GPR137C: variants seen among roughly 807,000 people sequenced by gnomAD.
The protein encoded by GPR137C is integral membrane protein GPR137C.
In GPR137C, 27 loss-of-function variants were observed where a neutral mutation model predicts 43.4. That is an observed-to-expected ratio of 0.62 (90% CI 0.46 to 0.86). GPR137C has a LOEUF of 0.86. Ranked by LOEUF, GPR137C falls within the 40% of genes least tolerant of loss-of-function variation. The pLI, the probability that GPR137C is intolerant of heterozygous loss-of-function variation, is 0.00. For missense variants in GPR137C, 522 were observed against 534.6 expected, an observed-to-expected ratio of 0.98 and a Z score of 0.23; for synonymous variants, 285 against 226.9, an observed-to-expected ratio of 1.26 and a Z score of -2.30.
rs2038907948 is a variant in GPR137C, at chr14:52,600,246, A to G, written c.622A>G (p.Asn208Asp). The G allele has an allele frequency of 6.2e-7, 1 of 1,613,640 alleles. No individual in the cohort carries two copies. Among genetic ancestry groups the G allele is most frequent in the South Asian group, 1.1e-5 (1 of 91,074 alleles). Reference sequence around the variant, plus strand: ...GACTGTGTTTGTTCGAGCATTAATTAATGATAGCCTGTTTATTCTTTGTGC... The same window carrying G: ...GACTGTGTTTGTTCGAGCATTAATTGATGATAGCCTGTTTATTCTTTGTGC... Reference protein sequence around the residue: ...KWTVFVRALINDSLFILCAIS... With the variant: ...KWTVFVRALIDDSLFILCAIS... The change falls in exon 3 of 7, where the codon AAT (asparagine) becomes GAT (aspartate). Residue 208 changes from asparagine (N) to aspartate (D), a missense_variant. Coordinates refer to ENST00000321662, the MANE Select transcript of GPR137C (RefSeq NM_001099652.2).
intron 1 of GPR137C, among the ~76,000 whole-genome samples, chr14:52,574,459 AAC>A (rs1454142634): frequency 6.6e-6 from 1 of 152,188 alleles, no homozygotes; most frequent in East Asian, 1.9e-4. Context: ...TCAGCAGACT[AAC>A]ACAGGAATGA....
In GPR137C at chr14:52,553,196, G is replaced by C; in HGVS notation, c.49G>C (p.Gly17Arg). ...GPAAAAAPAA[G>R]REPSTPGGGS... is the part of the protein sequence containing the mutation. ...GGCGGCCGCTGCCGCCCCCGCAGCC[G>C]GCCGCGAGCCCTCCACGCCCGGCGG... Residue 17 changes from glycine (G) to arginine (R), a missense_variant, in exon 1 of 7, where the codon GGC (glycine) becomes CGC (arginine). Coordinates refer to ENST00000321662, the MANE Select transcript of GPR137C (RefSeq NM_001099652.2). The C allele has an allele frequency of 1.6e-6, 2 of 1,213,244 alleles. No individual in the cohort carries two copies. Among genetic ancestry groups the C allele is most frequent in the Admixed American group, 4.4e-5 (1 of 22,910 alleles). 75.2% of individuals were successfully genotyped at this position (1,213,244 alleles called of 1,614,324 possible). A position where few individuals can be genotyped will look rare whatever the true frequency, so the allele number is the denominator to read the frequency against.
At chr14:52,564,005 G>A (rs10148701) in intron 1 of GPR137C, among the ~76,000 whole-genome samples, 36,027 of 151,824 alleles carry the variant, frequency 0.24, 5,433 homozygotes, top group African/African-American at 0.44. Context: ...ACCAGGCACG[G>A]TGGCTCACAC....
intron 1 of GPR137C, among the ~76,000 whole-genome samples, chr14:52,559,268 C>T (rs1185227134): frequency 6.6e-6 from 1 of 151,778 alleles, no homozygotes; most frequent in African/African-American, 2.4e-5. Context: ...TCCAGCTACC[C>T]GGGAAGAGAG....
At chr14:52,572,330 T>C (rs1487163470) in intron 1 of GPR137C, among the ~76,000 whole-genome samples, 3 of 152,060 alleles carry the variant, frequency 2.0e-5, no homozygotes, top group African/African-American at 7.2e-5. Context: ...CTGATGAACA[T>C]CAATGTGAAA....
intron 1 of GPR137C, among the ~76,000 whole-genome samples, chr14:52,568,064 G>A (rs773314415): frequency 3.1e-4 from 47 of 152,122 alleles, no homozygotes; most frequent in South Asian, 2.1e-4. Flanking sequence ...GGAGATCAGC[G>A]CAGAAGGTGG....
chr14:52,605,985 ATGT>A (rs2038979706), intron 3 of GPR137C, among the ~76,000 whole-genome samples: 1 of 152,106 alleles, frequency 6.6e-6, no homozygotes, highest in Non-Finnish European at 1.5e-5. Flanking sequence ...TTCATCAGAG[ATGT>A]TGGCCTGTAG....
intron 1 of GPR137C, among the ~76,000 whole-genome samples, chr14:52,566,825 A>G (rs186946479): frequency 6.6e-6 from 1 of 152,310 alleles, no homozygotes; most frequent in Non-Finnish European, 1.5e-5. Flanking sequence ...AGAACACTGG[A>G]TACAGGCCAG....
chr14:52,604,460 G>A (rs1004154831), intron 3 of GPR137C, among the ~76,000 whole-genome samples: 3 of 143,368 alleles, frequency 2.1e-5, no homozygotes, highest in African/African-American at 7.8e-5. Flanking sequence ...TTTTTTTCTT[G>A]AGACAGAGTC....
intron 1 of GPR137C, among the ~76,000 whole-genome samples, chr14:52,566,247 A>G (rs2038368147): frequency 1.3e-5 from 2 of 152,200 alleles, no homozygotes; most frequent in African/African-American, 4.8e-5. Context: ...CATATTAATC[A>G]CACTCTACAA....
intron 3 of GPR137C, among the ~76,000 whole-genome samples, chr14:52,631,392 C>T (rs1424501218): frequency 6.6e-6 from 1 of 152,050 alleles, no homozygotes; most frequent in East Asian, 1.9e-4. Context: ...TGTTTCTGTG[C>T]AATGGAACTC....
intron 1 of GPR137C, among the ~76,000 whole-genome samples, chr14:52,572,086 G>A (rs2038479937): frequency 6.6e-6 from 1 of 152,174 alleles, no homozygotes; most frequent in East Asian, 1.9e-4. Flanking sequence ...AACAACTTCT[G>A]AAATTGAGGC....
intron 3 of GPR137C, among the ~76,000 whole-genome samples, chr14:52,603,545 T>A (rs959936577): frequency 8.5e-5 from 13 of 152,158 alleles, no homozygotes; most frequent in African/African-American, 3.1e-4. Context: ...GTTGTTTGTT[T>A]GTTTTTGAGA....
At chr14:52,571,679 A>G (rs1010304597) in intron 1 of GPR137C, among the ~76,000 whole-genome samples, 2 of 152,036 alleles carry the variant, frequency 1.3e-5, no homozygotes, top group African/African-American at 4.8e-5. Flanking sequence ...AAAAATATTA[A>G]TAACAAAAGA....
intron 1 of GPR137C, among the ~76,000 whole-genome samples, chr14:52,574,280 GT>G (rs1426833094): frequency 6.6e-6 from 1 of 152,080 alleles, no homozygotes; most frequent in African/African-American, 2.4e-5. Flanking sequence ...TATGTTTATT[GT>G]GGCACTGTTC....
At chr14:52,567,763 G>A (rs911741769) in intron 1 of GPR137C, among the ~76,000 whole-genome samples, 3 of 151,098 alleles carry the variant, frequency 2.0e-5, no homozygotes, top group African/African-American at 7.3e-5. Context: ...AGGTTCAAGT[G>A]ATTTATCTGC....
intron 3 of GPR137C, among the ~76,000 whole-genome samples, chr14:52,602,562 T>G (rs974991034): frequency 2.0e-5 from 3 of 152,110 alleles, no homozygotes; most frequent in African/African-American, 7.2e-5. Flanking sequence ...ATCTCTGTAT[T>G]CTTAGGCTGT....
intron 1 of GPR137C, among the ~76,000 whole-genome samples, chr14:52,594,603 G>A (rs2038827972): frequency 6.6e-6 from 1 of 152,006 alleles, no homozygotes; most frequent in Admixed American, 6.5e-5. Context: ...ATCTTTGTTG[G>A]TTTAAAGTCT....
intron 1 of GPR137C, among the ~76,000 whole-genome samples, chr14:52,577,642 AAG>A (rs1300917247): frequency 2.0e-5 from 3 of 152,002 alleles, no homozygotes; most frequent in Non-Finnish European, 4.4e-5. Context: ...AGAAACTATA[AAG>A]ATCTGATTTT....
Sources: gnomAD v4.1 joint callset for allele counts (sites outside exome capture counted in the v4.1 genomes callset) on GRCh38, gnomAD v4.1.1 for gene constraint, MANE v1.5 for transcripts, NCBI Gene and HGNC (gene_info 2026-07-23, HGNC 2026-07-21) for gene names.